The following ZNF875 variants were observed in gnomAD, a reference collection of about 807,000 sequenced individuals.
The protein encoded by ZNF875 is HKR1, GLI-Kruppel zinc finger family member.
In ZNF875, 14 loss-of-function variants were observed where a neutral mutation model predicts 11.2. That is an observed-to-expected ratio of 1.26 (90% CI 0.83 to 1.96). The LOEUF (loss-of-function observed/expected upper bound fraction) is 1.96. Ranked by LOEUF, ZNF875 falls within the 30% of genes most tolerant of loss-of-function variation. ZNF875 has a pLI of 0.00. For missense variants in ZNF875, 752 were observed against 760.4 expected (o/e 0.99, Z 0.13); for synonymous variants, 301 against 281.1 (o/e 1.07, Z -0.71).
chr19:37,319,987 C>T lies in ZNF875; in HGVS notation c.-747+1801C>T, dbSNP rs547494129. 1.6e-4 allele frequency among the ~76,000 whole-genome samples: 25 copies of T among 152,234 alleles called. No individual in the cohort carries two copies. In the South Asian group the frequency reaches 4.6e-3, roughly 28 times the overall value. On this transcript the variant is annotated intron_variant, in intron 1 of 5. Coordinates refer to the ZNF875 transcript ENST00000544914. ...CTGCAAGCTCCGCCTCCTGGGGTCACGCCATTCTCCTGCCTCAGCCTCTCC... is the reference window on the plus strand; with the variant it reads ...CTGCAAGCTCCGCCTCCTGGGGTCATGCCATTCTCCTGCCTCAGCCTCTCC...
chr19:37,347,211 G>A lies in ZNF875; in HGVS notation c.55G>A (p.Val19Met), dbSNP rs1225972916. 6 of 1,614,012 alleles carry A rather than the reference G, an allele frequency of 3.7e-6. No individual in the cohort carries two copies. Among genetic ancestry groups the A allele is most frequent in the Non-Finnish European group, 5.1e-6 (6 of 1,180,022 alleles). Residue 19 changes from valine (V) to methionine (M), a missense_variant, in exon 3 of 5, where the codon GTG becomes ATG. By Grantham distance (21) the Val-to-Met change is conservative (BLOSUM62 1). Coordinates refer to ENST00000392153, the MANE Select transcript of ZNF875 (RefSeq NM_001353803.2). Reference sequence around the variant, plus strand: ...AAAGGCGTTCGTGGCATTCAGGGATGTGGCTGTGTACTTCACCCAGGAGGA... The same window carrying A: ...AAAGGCGTTCGTGGCATTCAGGGATATGGCTGTGTACTTCACCCAGGAGGA... ...KKEAFVAFRDVAVYFTQEEWR... is the reference protein window; with the variant it reads ...KKEAFVAFRDMAVYFTQEEWR...
At chr19:37,353,996 TC>T (rs2038410317) in intron 4 of ZNF875, among the ~76,000 whole-genome samples, 1 of 152,140 alleles carries the variant, frequency 6.6e-6, no homozygotes, top group African/African-American at 2.4e-5. Context: ...ATTCTAGGAC[TC>T]CCAATTTACC....
chr19:37,354,892 C>T (rs1388557716), intron 4 of ZNF875, among the ~76,000 whole-genome samples: 1 of 152,158 alleles, frequency 6.6e-6, no homozygotes, highest in Non-Finnish European at 1.5e-5. Context: ...GAGACCATCA[C>T]CAAATGGGCT....
upstream of ZNF875, among the ~76,000 whole-genome samples, chr19:37,315,838 A>G (rs1419411833): frequency 6.6e-6 from 1 of 152,012 alleles, no homozygotes; most frequent in Non-Finnish European, 1.5e-5. Flanking sequence ...ATCTTTAACT[A>G]GGGCCTAGGG....
rs2036509495 is a variant in ZNF875 at position 37,345,038 on chromosome 19, C to T, written c.34-2152C>T. 8.2e-6 allele frequency: 3 copies of T among 364,468 alleles called. No homozygotes were observed. In the South Asian group the frequency reaches 9.3e-5, roughly 11 times the overall value. The allele number at this position is 364,468 out of a possible 1,614,324, so 22.6% of individuals were successfully genotyped here. On this transcript the variant is annotated intron_variant, in intron 2 of 4. Coordinates refer to ENST00000392153, the MANE Select transcript of ZNF875 (RefSeq NM_001353803.2). The stretch of plus-strand genomic sequence containing the variant: ...AGATTCTCAGTGAGTACCTCCTTCT[C>T]ATGAACTTTTCCTGATCCTCAATCC...
upstream of ZNF875, among the ~76,000 whole-genome samples, chr19:37,329,659 TTG>T (rs1329361786): frequency 6.6e-6 from 1 of 152,214 alleles, no homozygotes; most frequent in Non-Finnish European, 1.5e-5. Flanking sequence ...TTTTCTGTCA[TTG>T]TACCTACTTC....
intron 4 of ZNF875, among the ~76,000 whole-genome samples, chr19:37,361,140 CTCA>C (rs1291385806): frequency 7.5e-4 from 91 of 121,972 alleles, no homozygotes; most frequent in Non-Finnish European, 1.2e-3. Context: ...GAGACAGAGT[CTCA>C]CTGTGTCACC....
In ZNF875 at chr19:37,345,922, A is replaced by G. The variant is rs77758425; in HGVS notation, c.34-1268A>G. Among the ~76,000 whole-genome samples, 50 of 152,282 alleles carry G rather than the reference A, an allele frequency of 3.3e-4. No homozygotes were observed. In the East Asian group the frequency reaches 7.5e-3, roughly 23 times the overall value. ...CCCATCCTCCAAAGTACAGCTTTCTAGGTAGCAGAGGTTCGTTTGAAACTT... is the reference window on the plus strand; with the variant it reads ...CCCATCCTCCAAAGTACAGCTTTCTGGGTAGCAGAGGTTCGTTTGAAACTT... On this transcript the variant is annotated intron_variant, in intron 2 of 4. Coordinates refer to ENST00000392153, the MANE Select transcript of ZNF875 (RefSeq NM_001353803.2).
intron 2 of ZNF875, among the ~76,000 whole-genome samples, chr19:37,340,464 G>A (rs571648152): frequency 2.6e-5 from 4 of 152,024 alleles, no homozygotes; most frequent in African/African-American, 7.2e-5. Flanking sequence ...TGTAATCCTC[G>A]TTTTCCCCAA....
intron 4 of ZNF875, among the ~76,000 whole-genome samples, chr19:37,350,637 A>G (rs185462422): frequency 3.3e-5 from 5 of 152,002 alleles, no homozygotes; most frequent in African/African-American, 9.6e-5. Flanking sequence ...CTATAGTAGT[A>G]TGAAATTTCA....
At chr19:37,313,194 A>C (rs1171339021), upstream of ZNF875, 2 of 149,786 alleles carry the variant, frequency 1.3e-5, no homozygotes, top group Non-Finnish European at 2.9e-5. Flanking sequence ...CCAAAAGAAA[A>C]AGACAACCCC....
At chr19:37,323,376 G>A (rs2031861728) in intron 2 of ZNF875, among the ~76,000 whole-genome samples, 1 of 151,922 alleles carries the variant, frequency 6.6e-6, no homozygotes, top group African/African-American at 2.4e-5. Context: ...GGCTGGTCTC[G>A]AACTCCTGAC....
intron 1 of ZNF875, among the ~76,000 whole-genome samples, chr19:37,319,033 A>G (rs1030307676): frequency 7.9e-5 from 12 of 151,400 alleles, no homozygotes; most frequent in African/African-American, 2.7e-4. Context: ...TTTATGAACT[A>G]TAATGCTGGT....
intron 4 of ZNF875, among the ~76,000 whole-genome samples, chr19:37,350,908 G>A (rs1239331353): frequency 1.3e-5 from 2 of 148,632 alleles, no homozygotes; most frequent in Admixed American, 6.8e-5. Context: ...GGACTCAAGC[G>A]ATTCTCCTGC....
intron 4 of ZNF875, among the ~76,000 whole-genome samples, chr19:37,327,002 T>C (rs2032566558): frequency 6.6e-6 from 1 of 151,716 alleles, no homozygotes; most frequent in African/African-American, 2.4e-5. Context: ...TTATAATTTT[T>C]TTTTTTTCGA....
intron 2 of ZNF875, among the ~76,000 whole-genome samples, chr19:37,342,339 G>A (rs559739800): frequency 2.0e-5 from 3 of 151,908 alleles, no homozygotes; most frequent in Admixed American, 6.6e-5. Flanking sequence ...ACGCTTGCAA[G>A]CTGTATAATT....
chr19:37,353,131 C>T (rs1221686824), intron 4 of ZNF875, among the ~76,000 whole-genome samples: 2 of 152,144 alleles, frequency 1.3e-5, no homozygotes, highest in African/African-American at 4.8e-5. Flanking sequence ...GCCTCAGCCT[C>T]CCAAAGTGTT....
At chr19:37,338,514 A>T (rs1281329984) in intron 2 of ZNF875, among the ~76,000 whole-genome samples, 2 of 152,150 alleles carry the variant, frequency 1.3e-5, no homozygotes, top group African/African-American at 4.8e-5. Context: ...GTGGTAGCTG[A>T]CTTTTCCTGT....
At chr19:37,318,746 C>T (rs1217268707) in intron 1 of ZNF875, among the ~76,000 whole-genome samples, 1 of 152,102 alleles carries the variant, frequency 6.6e-6, no homozygotes, top group African/African-American at 2.4e-5. Context: ...TGGTCTCTAT[C>T]TCCTGACCTC....
Sources: gnomAD v4.1 joint callset for allele counts (sites outside exome capture counted in the v4.1 genomes callset) on GRCh38, gnomAD v4.1.1 for gene constraint, MANE v1.5 for transcripts, NCBI Gene and HGNC (gene_info 2026-07-23, HGNC 2026-07-21) for gene names.